VPS13B: variants seen among roughly 807,000 people sequenced by gnomAD.
VPS13B encodes the protein intermembrane lipid transfer protein VPS13B.
VPS13B carries 285 observed loss-of-function variants against 426.4 expected under a neutral mutation model. The ratio of observed to expected loss-of-function variants is 0.67; its 90% CI spans 0.61 to 0.74. The LOEUF (loss-of-function observed/expected upper bound fraction) is 0.74, where lower values mean the gene tolerates loss of function less well. Ranked by LOEUF, VPS13B falls within the 30% of genes least tolerant of loss-of-function variation. VPS13B has a pLI of 0.00. For synonymous variants in VPS13B, 1,676 were observed against 1,676.4 expected (o/e 1.00, Z 0.01); for missense variants, 4,537 against 4,782.6 (o/e 0.95, Z 1.51).
intron 39 of VPS13B, among the ~76,000 whole-genome samples, chr8:99,744,265 T>G (rs1300220380): frequency 6.6e-6 from 1 of 152,080 alleles, no homozygotes; most frequent in Non-Finnish European, 1.5e-5. Context: ...AAAACCACAG[T>G]GAGATACCAT....
rs559052195 is a variant in VPS13B, at chr8:99,684,489, T to C, written c.6047-15036T>C. Among the ~76,000 whole-genome samples, 56 of 152,296 alleles carry C rather than the reference T, an allele frequency of 3.7e-4. No homozygotes were observed. The South Asian group carries it at 0.012, about 32-fold the overall frequency. ...TTGAACTCTCTCTATCTCCACATGA[T>C]ATCCACTTCTGGGCTTTGGGCTGCC... On this transcript the variant is annotated intron_variant, in intron 35 of 61. Transcript: ENST00000357162.
chr8:99,374,299 A>G (rs1813353167), intron 19 of VPS13B, among the ~76,000 whole-genome samples: 1 of 151,640 alleles, frequency 6.6e-6, no homozygotes, highest in Non-Finnish European at 1.5e-5. Flanking sequence ...ATTGGTTGAT[A>G]TATGTCAGTT....
intron 16 of VPS13B, among the ~76,000 whole-genome samples, chr8:99,188,053 A>ATTTT (rs60360700): frequency 0.012 from 1,315 of 112,592 alleles, 46 homozygotes; most frequent in Middle Eastern, 0.059. Context: ...TTGTTTGGAC[A>ATTTT]TTTTTTTTTT....
intron 21 of VPS13B, among the ~76,000 whole-genome samples, chr8:99,395,696 G>C (rs3110408): frequency 0.26 from 40,173 of 151,812 alleles, 6,006 homozygotes; most frequent in East Asian, 0.43. Context: ...TATAACAGTT[G>C]CAAACATTCA....
chr8:99,686,192 C>T (rs931175707), intron 35 of VPS13B, among the ~76,000 whole-genome samples: 1 of 152,188 alleles, frequency 6.6e-6, no homozygotes, highest in Non-Finnish European at 1.5e-5. Flanking sequence ...TGTTTTCTTC[C>T]TTTGCTTTCT....
chr8:99,233,415 C>A, intron 17 of VPS13B: 1 of 1,221,672 alleles, frequency 8.2e-7, no homozygotes, highest in Non-Finnish European at 1.2e-6. Flanking sequence ...CGAGTCTTGC[C>A]AGCTGTTTGA....
At chr8:99,873,530 A>G (rs1038528017) in intron 61 of VPS13B, among the ~76,000 whole-genome samples, 8 of 152,220 alleles carry the variant, frequency 5.3e-5, no homozygotes, top group African/African-American at 1.9e-4. Context: ...CTGTGCCTGC[A>G]CAGCCAAGGC....
At position 99,545,664 on chromosome 8, in the gene VPS13B, T is replaced by G. The variant is rs1203565778; in HGVS notation, c.4746-10786T>G. 2.6e-5 allele frequency among the ~76,000 whole-genome samples: 4 copies of G among 152,112 alleles called. No individual in the cohort carries two copies. In the East Asian group the frequency reaches 5.8e-4, roughly 22 times the overall value. ...TTCTCAATTGCTGAGTATAAGAGTT[T>G]CGTGGCTCTCTGGCAAACAGCCTTA... is the stretch of plus-strand genomic sequence containing the variant. On this transcript the variant is annotated intron_variant, in intron 30 of 61. Coordinates refer to ENST00000357162, the MANE Select transcript of VPS13B (RefSeq NM_152564.5).
At chr8:99,112,568 T>G (rs923655159) in intron 6 of VPS13B, among the ~76,000 whole-genome samples, 1 of 152,208 alleles carries the variant, frequency 6.6e-6, no homozygotes, top group Non-Finnish European at 1.5e-5. Context: ...TTGAATTAGC[T>G]TCTTTGGCAA....
intron 21 of VPS13B, among the ~76,000 whole-genome samples, chr8:99,420,157 G>GCTTA: frequency 1.3e-5 from 2 of 152,234 alleles, no homozygotes; most frequent in South Asian, 4.1e-4. Context: ...TCTAAGAAGT[G>GCTTA]CTTACTATGA....
chr8:99,792,147 C>G (rs540271487), intron 43 of VPS13B, among the ~76,000 whole-genome samples: 1 of 152,254 alleles, frequency 6.6e-6, no homozygotes, highest in South Asian at 2.1e-4. Context: ...TGAGTCTAAA[C>G]AAGTTAGTTG....
rs769465745 is a variant in VPS13B, at chr8:99,832,531, C to T, written c.9493C>T (p.Pro3165Ser). ...GAAACAGATCATGCTGGGCTTTTCT[C>T]CTGCCCCAGGTGCTGACAGCTCACA... ...LQKQIMLGFSPAPGADSSQCW... is the reference protein window; with the variant it reads ...LQKQIMLGFSSAPGADSSQCW... Residue 3165 changes from proline (P) to serine (S), a missense_variant, in exon 52 of 62, where the codon CCT (proline) becomes TCT (serine). Coordinates refer to ENST00000357162, the MANE Select transcript of VPS13B (RefSeq NM_152564.5). The T allele has an allele frequency of 3.7e-6, 6 of 1,613,762 alleles. No homozygotes were observed. Among genetic ancestry groups the T allele is most frequent in the East Asian group, 2.2e-5 (1 of 44,842 alleles).
intron 16 of VPS13B, among the ~76,000 whole-genome samples, chr8:99,172,420 A>G (rs903564320): frequency 1.3e-5 from 2 of 152,140 alleles, no homozygotes; most frequent in South Asian, 2.1e-4. Context: ...GTTAAAGTTC[A>G]TGACGGTCCT....
At chr8:99,674,549 G>A (rs1830847285) in intron 35 of VPS13B, among the ~76,000 whole-genome samples, 1 of 151,848 alleles carries the variant, frequency 6.6e-6, no homozygotes, top group South Asian at 2.1e-4. Context: ...TCTTTTCATT[G>A]GTGAACGTAA....
chr8:99,087,046 C>T (rs1563531426), intron 3 of VPS13B, among the ~76,000 whole-genome samples: 1 of 152,192 alleles, frequency 6.6e-6, no homozygotes, highest in Non-Finnish European at 1.5e-5. Flanking sequence ...TATGCCCTGC[C>T]CGCAGAGGTG....
At chr8:99,333,762 A>C (rs1038965625) in intron 19 of VPS13B, among the ~76,000 whole-genome samples, 3 of 151,998 alleles carry the variant, frequency 2.0e-5, no homozygotes, top group Non-Finnish European at 4.4e-5. Context: ...TGTTATGTAA[A>C]TAGTCATGTA....
rs1263345484 is a variant in VPS13B at position 99,875,948 on chromosome 8, A to AGAT, written c.*283_*285dup. 34 of 456,516 alleles carry AGAT rather than the reference A, an allele frequency of 7.4e-5. No individual in the cohort carries two copies. The highest frequency in any genetic ancestry group is 6.2e-4 in the Middle Eastern group (1 of 1,616). 28.3% of individuals were successfully genotyped at this position (456,516 alleles called of 1,614,324 possible). On this transcript the variant is annotated 3_prime_UTR_variant, in exon 62 of 62. Coordinates refer to ENST00000357162, the MANE Select transcript of VPS13B (RefSeq NM_152564.5). Reference sequence around the variant, plus strand: ...CCTTATTTACATCCTTACCTCTAAAAGATACTTCAAAGTGACAAAAACGTG... The same window carrying AGAT: ...CCTTATTTACATCCTTACCTCTAAAAGATGATACTTCAAAGTGACAAAAACGTG...
intron 30 of VPS13B, 112 bp from the exon 31 acceptor site, chr8:99,556,338 A>G (rs1400781970): frequency 8.5e-7 from 1 of 1,171,350 alleles, no homozygotes; most frequent in Non-Finnish European, 1.2e-6. Flanking sequence ...TTCATCAGTA[A>G]TCCAAAGGAA....
At chr8:99,401,750 C>T (rs985350631) in intron 21 of VPS13B, among the ~76,000 whole-genome samples, 6 of 152,164 alleles carry the variant, frequency 3.9e-5, no homozygotes, top group African/African-American at 1.4e-4. Context: ...CCTGCAGTCC[C>T]AGCTACTCGG....
Sources: allele counts gnomAD v4.1 joint callset (sites outside exome capture counted in the v4.1 genomes callset), GRCh38; gene constraint gnomAD v4.1.1; transcripts MANE v1.5; gene names NCBI Gene and HGNC (gene_info 2026-07-23, HGNC 2026-07-21).